Variants in TTC16 observed in about 807,000 individuals in gnomAD.
TTC16 encodes tetratricopeptide repeat domain 16, also known as tetratricopeptide repeat protein 16.
Under a neutral mutation model 80.4 loss-of-function variants are expected in TTC16, and 66 were observed. The observed-to-expected ratio is 0.82, with a 90% CI of 0.67 to 1.01. The LOEUF (loss-of-function observed/expected upper bound fraction) is 1.01, where lower values mean the gene tolerates loss of function less well. TTC16 is among the 50% of genes least tolerant of loss of function. The probability of loss-of-function intolerance (pLI) is 0.00; values close to 1 mark genes in which losing one functional copy is unlikely to be tolerated. For synonymous variants in TTC16, 438 were observed against 451.3 expected (o/e 0.97, Z 0.37); for missense variants, 1,070 against 1,103.2 (o/e 0.97, Z 0.43).
rs748801224 is a variant in TTC16, at chr9:127,716,103, A to G, written c.-43A>G. ...TAGCAACGTCAGGGCCAGGGCCGCG[A>G]GGTAGTTGGCAGAGGCCTCGGGGTC... On this transcript the variant is annotated 5_prime_UTR_variant, in exon 1 of 14. Transcript: ENST00000373289. The G allele has an allele frequency of 6.2e-7, 1 of 1,613,654 alleles. No individual in the cohort carries two copies. The highest frequency in any genetic ancestry group is 1.1e-5 in the South Asian group (1 of 91,080).
intron 1 of TTC16, chr9:127,716,527 C>T (rs1843023860): frequency 5.6e-6 from 3 of 531,512 alleles, no homozygotes; most frequent in East Asian, 3.2e-5. Context: ...GAGCTGGAGA[C>T]ATCAAAGCTT....
chr9:127,726,107 G>T, intron 9 of TTC16, 132 bp from the exon 10 acceptor site: 1 of 599,380 alleles, frequency 1.7e-6, no homozygotes, highest in East Asian at 3.2e-5. Flanking sequence ...GATGGAGAGA[G>T]AGGAGAGGGG....
chr9:127,724,151 G>C lies in TTC16; in HGVS notation c.904G>C (p.Asp302His), dbSNP rs1189579866. 1 of 1,612,860 alleles carries C rather than the reference G, an allele frequency of 6.2e-7. No homozygotes were observed. Among genetic ancestry groups the C allele is most frequent in the Non-Finnish European group, 8.5e-7 (1 of 1,179,824 alleles). ...GTMYRRLQEF[D>H]GAVEDFLKVL... Reference sequence around the variant, plus strand: ...CATGTACCGACGGCTCCAGGAGTTCGATGGGGCAGTGGAGGACTTCCTGAA... The same window carrying C: ...CATGTACCGACGGCTCCAGGAGTTCCATGGGGCAGTGGAGGACTTCCTGAA... Residue 302 changes from aspartate (D) to histidine (H), a missense_variant, in exon 8 of 14, where the codon GAT (aspartate) becomes CAT (histidine). Asp to His is a moderately conservative substitution (Grantham distance 81, BLOSUM62 -1). Transcript: ENST00000373289.
In TTC16 at chr9:127,723,313, C is replaced by T; in HGVS notation, c.852C>T (p.Asp284=). ...GTGCCATCGAGAACAACCCTCTGGA[C>T]CCCAGTCTCTTCCTCTTCCGGTACT... The part of the protein sequence containing the change: ...INRAIENNPL[D]PSLFLFRGTM... The change falls in exon 7 of 14, where the codon GAC becomes GAT. Residue 284 remains aspartate (D), a synonymous_variant. Transcript: ENST00000373289. 1 of 1,612,742 alleles carries T rather than the reference C, an allele frequency of 6.2e-7. No homozygotes were observed. The highest frequency in any genetic ancestry group is 8.5e-7 in the Non-Finnish European group (1 of 1,179,836).
intron 1 of TTC16, 105 bp downstream of exon 1, chr9:127,716,268 T>C: frequency 6.5e-7 from 1 of 1,539,576 alleles, no homozygotes. Flanking sequence ...GGGGCAGCAG[T>C]CCGACTCAGG....
chr9:127,720,232 C>T (rs375015525), intron 5 of TTC16, 34 bp from the exon 6 acceptor site: 36 of 1,613,200 alleles, frequency 2.2e-5, no homozygotes, highest in African/African-American at 5.3e-5. Context: ...CCGCCCCACC[C>T]GGGAAACGAG....
chr9:127,728,673 T>C (rs1363917078), intron 12 of TTC16: 1 of 152,218 alleles, frequency 6.6e-6, no homozygotes, highest in Non-Finnish European at 1.5e-5. Context: ...TGTATACCTA[T>C]AGTCCCAGCT....
Position 127,727,647 on chromosome 9 carries a change from G to A in TTC16, c.1764+182G>A, listed in dbSNP as rs1402935509. 5.4e-6 allele frequency: 7 copies of A among 1,289,982 alleles called. No homozygotes were observed. The East Asian group carries it at 1.8e-4, about 33-fold the overall frequency. The allele number at this position is 1,289,982 out of a possible 1,614,324, so 79.9% of individuals were successfully genotyped here. ...GATGGGGATGGTACCAGCAAGGGGT[G>A]CTCCTGACGGAGGGTGTGTGGGGAT... is the stretch of plus-strand genomic sequence containing the variant. On this transcript the variant is annotated intron_variant, in intron 12 of 13. Transcript: ENST00000373289.
chr9:127,726,961 T>C lies in TTC16; in HGVS notation c.1426-9T>C, dbSNP rs761757212. The C allele has an allele frequency of 6.2e-7, 1 of 1,613,124 alleles. No individual in the cohort carries two copies. Among genetic ancestry groups the C allele is most frequent in the Non-Finnish European group, 8.5e-7 (1 of 1,179,992 alleles). ...CTCACCTGGCTCTGGTCACCCCCTT[T>C]CGTGGCAGCTGTCCCTGCTGATGAC... On this transcript the variant is annotated splice_polypyrimidine_tract_variant and intron_variant, in intron 10 of 13. Coordinates refer to ENST00000373289, the MANE Select transcript of TTC16 (RefSeq NM_144965.3).
chr9:127,729,775 TGA>T, intron 13 of TTC16, 107 bp downstream of exon 13: 1 of 1,022,348 alleles, frequency 9.8e-7, no homozygotes, highest in Non-Finnish European at 1.5e-6. Flanking sequence ...GCCCCGCTGC[TGA>T]CAGCTGGGTG....
Position 127,731,565 on chromosome 9 carries a change from C to T in TTC16, c.*160C>T, listed in dbSNP as rs1588470879. Reference sequence around the variant, plus strand: ...AGTTTATTATACTTGTTTTCTTTTACAAAATTAAAAACATCTAAAACCAGG... The same window carrying T: ...AGTTTATTATACTTGTTTTCTTTTATAAAATTAAAAACATCTAAAACCAGG... On this transcript the variant is annotated 3_prime_UTR_variant, in exon 14 of 14. Coordinates refer to ENST00000373289, the MANE Select transcript of TTC16 (RefSeq NM_144965.3). 5.0e-6 allele frequency: 7 copies of T among 1,408,254 alleles called. No homozygotes were observed. The East Asian group carries it at 1.8e-4, about 36-fold the overall frequency. 87.2% of individuals were successfully genotyped at this position (1,408,254 alleles called of 1,614,324 possible). A position where few individuals can be genotyped will look rare whatever the true frequency, so the allele number is the denominator to read the frequency against.
chr9:127,720,793 CT>C, intron 6 of TTC16, among the ~76,000 whole-genome samples: 1 of 146,822 alleles, frequency 6.8e-6, no homozygotes, highest in Non-Finnish European at 1.5e-5. Context: ...TGAGGTAGCC[CT>C]TCCCCCTTCC....
intron 3 of TTC16, 24 bp from the exon 4 acceptor site, chr9:127,717,605 C>G (rs1167265506): frequency 6.2e-7 from 1 of 1,610,492 alleles, no homozygotes; most frequent in African/African-American, 1.3e-5. Context: ...GAGGATCTAG[C>G]AGCCTGGGTC....
In TTC16 at chr9:127,729,580, G is replaced by A. The variant is rs773999012; in HGVS notation, c.1765-1G>A. ...ACTACAAAGCCTGTTTCTTGCCATA[G>A]GAGAAAAAATCAGAGCTCATACCTA... On this transcript the variant is annotated splice_acceptor_variant, in intron 12 of 13. Transcript: ENST00000373289. LOFTEE classifies it high-confidence loss of function. The A allele has an allele frequency of 5.6e-6, 9 of 1,613,592 alleles. No individual in the cohort carries two copies. The highest frequency in any genetic ancestry group is 6.8e-6 in the Non-Finnish European group (8 of 1,179,934).
Position 127,724,271 on chromosome 9 carries a change from T to C in TTC16, c.1024T>C (p.Tyr342His). The change falls in exon 8 of 14, where the codon TAC becomes CAC. Residue 342 changes from tyrosine (Y) to histidine (H), a missense_variant. Coordinates refer to ENST00000373289, the MANE Select transcript of TTC16 (RefSeq NM_144965.3). ...CTACAACGACTTTGCCGTGCACTGCTACAGGCAGGGCGCCTACCAGGAGGG... is the reference window on the plus strand; with the variant it reads ...CTACAACGACTTTGCCGTGCACTGCCACAGGCAGGGCGCCTACCAGGAGGG... ...LTYNDFAVHC[Y>H]RQGAYQEGVL... The C allele has an allele frequency of 6.8e-6, 11 of 1,613,012 alleles. No individual in the cohort carries two copies. Among genetic ancestry groups the C allele is most frequent in the Non-Finnish European group, 9.3e-6 (11 of 1,180,008 alleles).
rs1843566957 is a variant in TTC16, at chr9:127,722,207, T to TAGTTCCTGCCATTTCCCTCCCTCCCTCC, written c.658-910_658-909insTTCCTGCCATTTCCCTCCCTCCCTCCAG. On this transcript the variant is annotated intron_variant, in intron 6 of 13. Coordinates refer to ENST00000373289, the MANE Select transcript of TTC16 (RefSeq NM_144965.3). The surrounding 1 kb of genome is among the most constrained non-coding windows in gnomAD (Gnocchi z 4.2). ...GCTGCTTATGCCGAAGCCCTGCCCC[T>TAGTTCCTGCCATTTCCCTCCCTCCCTCC]AGCTCCTGCCATTTCCCTCCCTCCC... is the stretch of plus-strand genomic sequence containing the variant. Among the ~76,000 whole-genome samples, 1 of 152,090 alleles carries TAGTTCCTGCCATTTCCCTCCCTCCCTCC rather than the reference T, an allele frequency of 6.6e-6. No individual in the cohort carries two copies. The highest frequency in any genetic ancestry group is 2.4e-5 in the African/African-American group (1 of 41,424).
In TTC16 at chr9:127,724,368, C is replaced by A. The variant is rs762352099; in HGVS notation, c.1117+4C>A. On this transcript the variant is annotated splice_donor_region_variant and intron_variant, in intron 8 of 13. Transcript: ENST00000373289. ...GGACTCTACATCAACCGAGGCGGTG[C>A]GCAGCGACCAGGGCACTGGGGAGGG... 1 of 1,610,716 alleles carries A rather than the reference C, an allele frequency of 6.2e-7. No individual in the cohort carries two copies. Among genetic ancestry groups the A allele is most frequent in the African/African-American group, 1.3e-5 (1 of 74,900 alleles).
chr9:127,723,500 C>CTAG (rs1166177155), intron 7 of TTC16, among the ~76,000 whole-genome samples, 167 bp downstream of exon 7: 2 of 152,250 alleles, frequency 1.3e-5, no homozygotes, highest in African/African-American at 2.4e-5. Context: ...GAGGTGGTCT[C>CTAG]TGTTACTGCT....
At chr9:127,730,388 G>A in intron 13 of TTC16, 1 of 570,298 alleles carries the variant, frequency 1.8e-6, no homozygotes, top group South Asian at 2.3e-5. Flanking sequence ...CAGAGGGCAG[G>A]GGCAGCCACA....
Sources: gnomAD v4.1 joint callset for allele counts (sites outside exome capture counted in the v4.1 genomes callset) on GRCh38, gnomAD v4.1.1 for gene constraint, Gnocchi (gnomAD v3.1) non-coding constraint, MANE v1.5 for transcripts, NCBI Gene and HGNC (gene_info 2026-07-23, HGNC 2026-07-21) for gene names.